Variants in GSE1 observed in about 807,000 individuals in gnomAD.
GSE1 encodes genetic suppressor element 1.
GSE1 carries 32 observed loss-of-function variants against 112.6 expected under a neutral mutation model. That is an observed-to-expected ratio of 0.28 (90% CI 0.21 to 0.38). GSE1 has a LOEUF of 0.38. Ranked by LOEUF, GSE1 falls within the 10% of genes least tolerant of loss-of-function variation. The pLI is 1.00. For missense variants in GSE1, 2,348 were observed against 1,699.2 expected, an observed-to-expected ratio of 1.38 and a Z score of -6.71; for synonymous variants, 1,115 against 735.6, an observed-to-expected ratio of 1.52 and a Z score of -8.35.
Position 85,561,803 on chromosome 16 carries a change from C to G in GSE1, c.37+5440C>G, listed in dbSNP as rs534546368. On this transcript the variant is annotated intron_variant, in intron 1 of 2. Coordinates refer to the GSE1 transcript ENST00000635906. ...GCTTCCCCTGCTGAGAGCTGGGGTA[C>G]CCAGAGTGAAGCTCGGCCTGTGGGG... Among the ~76,000 whole-genome samples the G allele has an allele frequency of 3.9e-5, 6 of 152,304 alleles. No homozygotes were observed. The South Asian group carries it at 1.2e-3, about 32-fold the overall frequency.
At chr16:85,398,329 G>A (rs1009971697) in intron 2 of GSE1, among the ~76,000 whole-genome samples, 2 of 152,122 alleles carry the variant, frequency 1.3e-5, no homozygotes, top group Non-Finnish European at 1.5e-5. Context: ...CTGAGGGGTC[G>A]CAGAGCTCCC....
At chr16:85,636,664 T>G (rs1479811175) in intron 2 of GSE1, among the ~76,000 whole-genome samples, 1 of 144,572 alleles carries the variant, frequency 6.9e-6, no homozygotes, top group African/African-American at 2.6e-5. Flanking sequence ...GTCGTGTCCG[T>G]GTCCCACTGC....
chr16:85,538,643 T>C (rs1040382219), intron 2 of GSE1, among the ~76,000 whole-genome samples: 1 of 152,072 alleles, frequency 6.6e-6, no homozygotes, highest in Admixed American at 6.6e-5. Context: ...CTTGCCACCT[T>C]CGGAGGCCCC....
rs868683544 is a variant in GSE1 at position 85,645,480 on chromosome 16, G to A, written c.227-3072G>A. Among the ~76,000 whole-genome samples the A allele has an allele frequency of 7.2e-5, 11 of 152,284 alleles. No homozygotes were observed. The East Asian group carries it at 1.2e-3, about 16-fold the overall frequency. Reference sequence around the variant, plus strand: ...CAGATACCGTTCTGCAGGAAGCAACGGACTTGCCCTCGGGACAGGGCAGCT... The same window carrying A: ...CAGATACCGTTCTGCAGGAAGCAACAGACTTGCCCTCGGGACAGGGCAGCT... On this transcript the variant is annotated intron_variant, in intron 2 of 15. Coordinates refer to ENST00000253458, the MANE Select transcript of GSE1 (RefSeq NM_014615.5).
At chr16:85,300,292 G>A (rs952141429) in intron 1 of GSE1, among the ~76,000 whole-genome samples, 2 of 152,178 alleles carry the variant, frequency 1.3e-5, no homozygotes, top group Admixed American at 6.5e-5. Context: ...GATTACAGGC[G>A]TGAGCCACTG....
intron 2 of GSE1, among the ~76,000 whole-genome samples, chr16:85,463,284 C>A (rs1185198081): frequency 6.6e-6 from 1 of 152,230 alleles, no homozygotes; most frequent in Non-Finnish European, 1.5e-5. Context: ...TGCTCCCCAG[C>A]GCCGCCTCCT....
intron 1 of GSE1, among the ~76,000 whole-genome samples, chr16:85,252,190 C>T (rs1232195177): frequency 6.6e-6 from 1 of 152,190 alleles, no homozygotes; most frequent in Non-Finnish European, 1.5e-5. Flanking sequence ...GAATCTGCTC[C>T]ATGTGGTCAC....
intron 1 of GSE1, among the ~76,000 whole-genome samples, chr16:85,206,577 C>T (rs2075119974): frequency 6.6e-6 from 1 of 152,144 alleles, no homozygotes; most frequent in Non-Finnish European, 1.5e-5. Flanking sequence ...GCTTGGCATG[C>T]TGGAAAAGCG....
intron 1 of GSE1, among the ~76,000 whole-genome samples, chr16:85,309,433 G>A (rs1184569856): frequency 2.0e-5 from 3 of 152,094 alleles, no homozygotes; most frequent in Admixed American, 6.5e-5. Flanking sequence ...GTTTGAGGCT[G>A]CCATGAGCCA....
chr16:85,289,469 T>C (rs80189547), intron 1 of GSE1, among the ~76,000 whole-genome samples: 2 of 152,278 alleles, frequency 1.3e-5, no homozygotes, highest in East Asian at 3.9e-4. Flanking sequence ...CTCAAACCAA[T>C]GTGTGTGAAC....
chr16:85,523,216 C>T (rs13337963), intron 2 of GSE1, among the ~76,000 whole-genome samples: 51,597 of 147,526 alleles, frequency 0.35, 8,972 homozygotes, highest in East Asian at 0.54. Flanking sequence ...GTGCCTGTGG[C>T]TGTGTGTCCC....
intron 1 of GSE1, among the ~76,000 whole-genome samples, chr16:85,339,604 G>A (rs1008587799): frequency 6.7e-6 from 1 of 149,486 alleles, no homozygotes; most frequent in African/African-American, 2.5e-5. Flanking sequence ...ATTTCTTTCC[G>A]TGGATGTGCG....
At chr16:85,492,205 G>T (rs556323136) in intron 2 of GSE1, among the ~76,000 whole-genome samples, 3 of 152,200 alleles carry the variant, frequency 2.0e-5, no homozygotes, top group Non-Finnish European at 2.9e-5. Flanking sequence ...GATGGTGAGC[G>T]TGTTTGATCT....
chr16:85,436,359 T>C (rs995012865), intron 2 of GSE1, among the ~76,000 whole-genome samples: 4 of 152,218 alleles, frequency 2.6e-5, no homozygotes, highest in Admixed American at 2.6e-4. Flanking sequence ...CTGTGGATCC[T>C]GGCCCAGCCC....
At chr16:85,359,056 C>T (rs2047011284) in intron 2 of GSE1, among the ~76,000 whole-genome samples, 1 of 152,124 alleles carries the variant, frequency 6.6e-6, no homozygotes, top group African/African-American at 2.4e-5. Context: ...GGCCTTGGCA[C>T]CCTCAGTGTT....
chr16:85,579,843 C>T (rs1261373714), intron 1 of GSE1, among the ~76,000 whole-genome samples: 1 of 152,180 alleles, frequency 6.6e-6, no homozygotes, highest in Non-Finnish European at 1.5e-5. Flanking sequence ...ATGGGGAGCT[C>T]ACCCCAGTCA....
At chr16:85,431,080 G>GC (rs1399594109) in intron 2 of GSE1, among the ~76,000 whole-genome samples, 3 of 152,102 alleles carry the variant, frequency 2.0e-5, no homozygotes, top group Non-Finnish European at 4.4e-5. Context: ...GCCTCGGGGG[G>GC]CGGATTTCTC....
chr16:85,306,117 G>C (rs938478633), intron 1 of GSE1: 4 of 154,088 alleles, frequency 2.6e-5, no homozygotes, highest in Non-Finnish European at 4.4e-5. Flanking sequence ...AATGAATAAA[G>C]GTCCCCTGGT....
intron 7 of GSE1, 141 bp downstream of exon 7, chr16:85,656,806 T>G (rs552170164): frequency 2.5e-6 from 3 of 1,217,318 alleles, no homozygotes; most frequent in Non-Finnish European, 3.3e-6. Flanking sequence ...TGGCTGAACA[T>G]GGAGTAGGGA....
Sources: gnomAD v4.1 joint callset for allele counts (sites outside exome capture counted in the v4.1 genomes callset) on GRCh38, gnomAD v4.1.1 for gene constraint, MANE v1.5 for transcripts, NCBI Gene and HGNC (gene_info 2026-07-23, HGNC 2026-07-21) for gene names.